Variants in CLCN3 observed in about 807,000 individuals in gnomAD.
CLCN3 encodes H(+)/Cl(-) exchange transporter 3.
In CLCN3, 16 loss-of-function variants were observed where a neutral mutation model predicts 83.4. The observed-to-expected ratio is 0.19, with a 90% CI of 0.13 to 0.29. The LOEUF is 0.29. Ranked by LOEUF, CLCN3 falls within the 10% of genes least tolerant of loss-of-function variation. The pLI is 1.00. For synonymous variants in CLCN3, 322 were observed against 346.2 expected (o/e 0.93, Z 0.78); for missense variants, 544 against 1,006.0 (o/e 0.54, Z 6.21).
Position 169,697,639 on chromosome 4 carries a change from C to T in CLCN3, c.1468C>T (p.Arg490Cys), listed in dbSNP as rs143120417. ...TAAAATTGTCGATGACATTCCTGAT[C>T]GTCCAGCAGGCATTGGAGTATATTC... Reference protein sequence around the residue: ...ASKIVDDIPDRPAGIGVYSAI... With the variant: ...ASKIVDDIPDCPAGIGVYSAI... Residue 490 changes from arginine (R) to cysteine (C), a missense_variant, in exon 9 of 13, where the codon CGT (arginine) becomes TGT (cysteine). Arg to Cys is a radical substitution (Grantham distance 180). Around this residue, in one of 6 missense-constraint regions of CLCN3, gnomAD observed 194 missense variants for 341.4 expected, o/e 0.57. Coordinates refer to ENST00000513761, the MANE Select transcript of CLCN3 (RefSeq NM_001829.4). 6 of 1,613,758 alleles carry T rather than the reference C, an allele frequency of 3.7e-6. No individual in the cohort carries two copies. Among genetic ancestry groups the T allele is most frequent in the Non-Finnish European group, 5.1e-6 (6 of 1,179,694 alleles).
rs1359632160 is a variant in CLCN3, at chr4:169,713,144, C to T, written c.2215C>T (p.Pro739Ser). The change falls in exon 12 of 13, where the codon CCA (proline) becomes TCA (serine). Residue 739 changes from proline to serine, a missense_variant. By Grantham distance (74) the Pro-to-Ser change is moderately conservative. Coordinates refer to ENST00000513761, the MANE Select transcript of CLCN3 (RefSeq NM_001829.4). Reference protein sequence around the residue: ...SSRVCFAQHTPSLPAESPRPL... With the variant: ...SSRVCFAQHTSSLPAESPRPL... Reference sequence around the variant, plus strand: ...TCGGGTGTGTTTTGCACAGCACACCCCATCTCTTCCAGCAGAAAGTCCTCG... The same window carrying T: ...TCGGGTGTGTTTTGCACAGCACACCTCATCTCTTCCAGCAGAAAGTCCTCG... The T allele has an allele frequency of 6.2e-7, 1 of 1,614,118 alleles. No homozygotes were observed. The highest frequency in any genetic ancestry group is 8.5e-7 in the Non-Finnish European group (1 of 1,180,000).
intron 2 of CLCN3, among the ~76,000 whole-genome samples, chr4:169,668,640 G>A (rs896699607): frequency 4.6e-5 from 7 of 151,662 alleles, no homozygotes; most frequent in African/African-American, 1.7e-4. Flanking sequence ...AGTCTTTTTT[G>A]TTACTGTTTT....
intron 2 of CLCN3, 86 bp from the exon 3 acceptor site, chr4:169,679,964 G>T: frequency 4.8e-6 from 5 of 1,043,596 alleles, no homozygotes; most frequent in Non-Finnish European, 7.5e-6. Flanking sequence ...ATTTCTGTAT[G>T]ACTTAATAAT....
chr4:169,695,806 A>G, intron 8 of CLCN3, 114 bp downstream of exon 8: 1 of 644,966 alleles, frequency 1.6e-6, no homozygotes. Context: ...TTTCAAATTT[A>G]TTTTTCTAAA....
At chr4:169,638,621 G>C (rs930727179) in intron 2 of CLCN3, among the ~76,000 whole-genome samples, 10 of 152,262 alleles carry the variant, frequency 6.6e-5, no homozygotes, top group Middle Eastern at 3.4e-3. Context: ...ATGTGAGGCA[G>C]AAAATTAACT....
intron 2 of CLCN3, among the ~76,000 whole-genome samples, chr4:169,636,404 G>A (rs1773503616): frequency 6.6e-6 from 1 of 152,130 alleles, no homozygotes; most frequent in African/African-American, 2.4e-5. Flanking sequence ...GGAAATTGAT[G>A]AATTCCTACA....
chr4:169,663,343 T>C (rs1230222304), intron 2 of CLCN3, among the ~76,000 whole-genome samples: 1 of 122,896 alleles, frequency 8.1e-6, no homozygotes, highest in Non-Finnish European at 1.8e-5. Flanking sequence ...TTGTTGTTGT[T>C]GTTTTCTTAA....
rs181395494 is a variant in CLCN3 at position 169,652,239 on chromosome 4, T to G, written c.160+16151T>G. ...AGGTAAATACTATTTTCTCTTTGTC[T>G]AATCACTTTCTTGCTTTACTTTGTG... is the stretch of plus-strand genomic sequence containing the variant. On this transcript the variant is annotated intron_variant, in intron 2 of 12. Coordinates refer to ENST00000513761, the MANE Select transcript of CLCN3 (RefSeq NM_001829.4). 2.0e-5 allele frequency among the ~76,000 whole-genome samples: 3 copies of G among 152,206 alleles called. No individual in the cohort carries two copies. In the South Asian group the frequency reaches 6.2e-4, roughly 31 times the overall value.
At position 169,685,658 on chromosome 4, in the gene CLCN3, T is replaced by C. The variant is rs912485337; in HGVS notation, c.319-2000T>C. ...GGAACGGTGATGATTGAACTCTCTG[T>C]ACATATATCTTTTTTACTTGGTACA... is the stretch of plus-strand genomic sequence containing the variant. On this transcript the variant is annotated intron_variant, in intron 3 of 12. Coordinates refer to ENST00000513761, the MANE Select transcript of CLCN3 (RefSeq NM_001829.4). 5.9e-5 allele frequency among the ~76,000 whole-genome samples: 9 copies of C among 152,204 alleles called. No homozygotes were observed. In the East Asian group the frequency reaches 1.7e-3, roughly 29 times the overall value.
In CLCN3 at chr4:169,698,866, A is replaced by T. The variant is rs368260312; in HGVS notation, c.1563+1132A>T. Reference sequence around the variant, plus strand: ...TTTCTGGCTATTAAAAGCTGCCAGCATTCCTTGGCTCCTGGCTGTCTATTT... The same window carrying T: ...TTTCTGGCTATTAAAAGCTGCCAGCTTTCCTTGGCTCCTGGCTGTCTATTT... On this transcript the variant is annotated intron_variant, in intron 9 of 12. Transcript: ENST00000513761. Among the ~76,000 whole-genome samples, 61 of 152,304 alleles carry T rather than the reference A, an allele frequency of 4.0e-4. 3 individuals carry two copies. In the East Asian group the frequency reaches 9.8e-3, roughly 25 times the overall value.
chr4:169,653,332 C>T (rs577256555), intron 2 of CLCN3, among the ~76,000 whole-genome samples: 99 of 151,858 alleles, frequency 6.5e-4, no homozygotes, highest in Middle Eastern at 3.4e-3. Flanking sequence ...TACTTGAGGC[C>T]GGACAATTTA....
At chr4:169,682,981 C>T (rs1007820508) in intron 3 of CLCN3, among the ~76,000 whole-genome samples, 4 of 152,112 alleles carry the variant, frequency 2.6e-5, no homozygotes, top group Admixed American at 6.6e-5. Flanking sequence ...GCCAGTAGAC[C>T]GTACTTTGAA....
intron 7 of CLCN3, among the ~76,000 whole-genome samples, chr4:169,694,736 G>A (rs1401894385): frequency 6.6e-6 from 1 of 152,176 alleles, no homozygotes; most frequent in African/African-American, 2.4e-5. Context: ...CTACTCGGGA[G>A]GCTGAGGCAG....
At chr4:169,697,069 A>G in intron 8 of CLCN3, 120 bp from the exon 9 acceptor site, 1 of 668,782 alleles carries the variant, frequency 1.5e-6, no homozygotes, top group South Asian at 2.6e-5. Flanking sequence ...AATCCATTAC[A>G]TGTAAATTCT....
chr4:169,718,661 C>T (rs1238871688), intron 12 of CLCN3, among the ~76,000 whole-genome samples: 3 of 152,144 alleles, frequency 2.0e-5, no homozygotes, highest in African/African-American at 7.2e-5. Flanking sequence ...CTGGCTTTAG[C>T]AATTAATGCC....
At position 169,636,085 on chromosome 4, in the gene CLCN3, G is replaced by T; in HGVS notation, c.157G>T (p.Val53Phe). 6.2e-7 allele frequency: 1 copy of T among 1,611,198 alleles called. No individual in the cohort carries two copies. The highest frequency in any genetic ancestry group is 8.5e-7 in the Non-Finnish European group (1 of 1,178,594). ...DDNLLDGDTA[V>F]GTHYTMTNGG... ...CAATTTATTAGATGGTGACACTGCA[G>T]TTGGTAAGTTCAGCATGACAGCCTA... Residue 53 changes from valine to phenylalanine, a missense_variant, in exon 2 of 13, where the codon GTT (valine) becomes TTT (phenylalanine). Val to Phe is a conservative substitution (Grantham distance 50). Transcript: ENST00000513761.
In CLCN3 at chr4:169,692,293, T is replaced by C. The variant is rs762600015; in HGVS notation, c.909T>C (p.Tyr303=). 9 of 1,610,386 alleles carry C rather than the reference T, an allele frequency of 5.6e-6. No homozygotes were observed. The East Asian group carries it at 6.7e-5, about 12-fold the overall frequency. ...TCTTTTCCTACCTCTTTCCAAAGTA[T>C]AGCACAAACGAAGCTAAAAAAAGGG... ...GNIFSYLFPK[Y]STNEAKKREV... The change falls in exon 7 of 13, where the codon TAT becomes TAC. Residue 303 remains tyrosine, a synonymous_variant. Coordinates refer to ENST00000513761, the MANE Select transcript of CLCN3 (RefSeq NM_001829.4).
chr4:169,715,889 A>G (rs1238997514), intron 12 of CLCN3, among the ~76,000 whole-genome samples: 3 of 152,148 alleles, frequency 2.0e-5, no homozygotes, highest in African/African-American at 7.2e-5. Context: ...TTTCTTTACT[A>G]TGGAACTCCT....
chr4:169,660,905 C>T (rs1300975105), intron 2 of CLCN3, among the ~76,000 whole-genome samples: 1 of 152,070 alleles, frequency 6.6e-6, no homozygotes, highest in African/African-American at 2.4e-5. Flanking sequence ...AAATTTATAG[C>T]AAAAGCTTTA....
Sources: gnomAD v4.1 joint callset for allele counts (sites outside exome capture counted in the v4.1 genomes callset) on GRCh38, gnomAD v4.1.1 for gene constraint, gnomAD v4.1.1 regional missense constraint, MANE v1.5 for transcripts, NCBI Gene and HGNC (gene_info 2026-07-23, HGNC 2026-07-21) for gene names.